The following FKBP6 variants were observed in gnomAD, a reference collection of about 807,000 sequenced individuals.
FKBP6 encodes the protein inactive peptidyl-prolyl cis-trans isomerase FKBP6.
FKBP6 carries 29 observed loss-of-function variants against 41.7 expected under a neutral mutation model. The observed-to-expected ratio is 0.70, with a 90% CI of 0.52 to 0.95. The LOEUF is 0.95. FKBP6 is among the 40% of genes least tolerant of loss of function. The pLI is 0.00. For synonymous variants in FKBP6, 130 were observed against 165.1 expected, an observed-to-expected ratio of 0.79 and a Z score of 1.63; for missense variants, 338 against 408.7, an observed-to-expected ratio of 0.83 and a Z score of 1.49.
chr7:73,334,544 G>A (rs1804945927), intron 5 of FKBP6, among the ~76,000 whole-genome samples: 1 of 152,080 alleles, frequency 6.6e-6, no homozygotes, highest in South Asian at 2.1e-4. Flanking sequence ...AGCACTTCAG[G>A]AGTCCAAGGT....
At position 73,355,680 on chromosome 7, in the gene FKBP6, G is replaced by A. The variant is rs145563736; in HGVS notation, c.*3-2501G>A. Among the ~76,000 whole-genome samples the A allele has an allele frequency of 2.0e-4, 30 of 151,538 alleles. No individual in the cohort carries two copies. The East Asian group carries it at 5.8e-3, about 29-fold the overall frequency. ...AAATGATAACATGATCACTACCCATGTATCATTACCCAGGCTTGACAGTGA... is the reference window on the plus strand; with the variant it reads ...AAATGATAACATGATCACTACCCATATATCATTACCCAGGCTTGACAGTGA... On this transcript the variant is annotated intron_variant, in intron 8 of 8. Transcript: ENST00000252037.
At chr7:73,329,186 A>C (rs1804746236) in intron 2 of FKBP6, among the ~76,000 whole-genome samples, 174 bp from the exon 3 acceptor site, 1 of 152,130 alleles carries the variant, frequency 6.6e-6, no homozygotes, top group Non-Finnish European at 1.5e-5. Context: ...TGAACCTCTG[A>C]GCCAAAGGGC....
chr7:73,348,361 C>G (rs1805394354), intron 8 of FKBP6, among the ~76,000 whole-genome samples: 1 of 152,196 alleles, frequency 6.6e-6, no homozygotes, highest in East Asian at 1.9e-4. Context: ...CCCCGATGTG[C>G]TCAACGTCTG....
At chr7:73,355,651 A>T (rs1403383199) in intron 8 of FKBP6, among the ~76,000 whole-genome samples, 4 of 152,116 alleles carry the variant, frequency 2.6e-5, no homozygotes, top group Non-Finnish European at 5.9e-5. Context: ...AGGTAAAAAA[A>T]AAAAAATGAT....
intron 7 of FKBP6, 75 bp downstream of exon 7, chr7:73,341,457 A>G: frequency 1.1e-6 from 1 of 940,146 alleles, no homozygotes. Context: ...ACCCCCCCCA[A>G]CAAAGGACAG....
chr7:73,331,547 T>C, intron 4 of FKBP6, 110 bp from the exon 5 acceptor site: 1 of 1,018,472 alleles, frequency 9.8e-7, no homozygotes, highest in Non-Finnish European at 1.6e-6. Flanking sequence ...ATGTTCTCAC[T>C]ATGTTGCCCA....
intron 5 of FKBP6, among the ~76,000 whole-genome samples, chr7:73,335,250 C>CT (rs1164102038): frequency 2.0e-5 from 3 of 152,036 alleles, no homozygotes; most frequent in African/African-American, 7.2e-5. Context: ...TCTTTGACCA[C>CT]TAAGATTTAA....
intron 5 of FKBP6, among the ~76,000 whole-genome samples, chr7:73,338,900 G>A (rs1284559178): frequency 6.6e-6 from 1 of 152,196 alleles, no homozygotes; most frequent in East Asian, 1.9e-4. Flanking sequence ...ATGCGCAAAT[G>A]CTCTATGCTG....
At chr7:73,349,119 A>T (rs1583820741) in intron 8 of FKBP6, among the ~76,000 whole-genome samples, 1 of 152,170 alleles carries the variant, frequency 6.6e-6, no homozygotes, top group African/African-American at 2.4e-5. Context: ...AAAAAAATTT[A>T]AAAAGGGTGG....
At chr7:73,341,441 C>A (rs1468098795) in intron 7 of FKBP6, 59 bp downstream of exon 7, 2 of 989,716 alleles carry the variant, frequency 2.0e-6, no homozygotes, top group Non-Finnish European at 3.2e-6. Flanking sequence ...TCTGGTCTGT[C>A]CCCCCACCCC....
chr7:73,357,685 TG>T (rs1392033107), intron 8 of FKBP6, among the ~76,000 whole-genome samples: 1 of 151,810 alleles, frequency 6.6e-6, no homozygotes, highest in African/African-American at 2.4e-5. Flanking sequence ...TTGGTTGTAT[TG>T]GGGTAGGGAG....
chr7:73,331,126 G>T (rs1398976808), intron 4 of FKBP6, among the ~76,000 whole-genome samples: 2 of 152,180 alleles, frequency 1.3e-5, no homozygotes, highest in African/African-American at 4.8e-5. Context: ...AGGATCTGGG[G>T]GGTGGGGCCG....
intron 8 of FKBP6, among the ~76,000 whole-genome samples, chr7:73,346,785 C>T (rs2115933206): frequency 6.6e-6 from 1 of 152,264 alleles, no homozygotes; most frequent in Non-Finnish European, 1.5e-5. Context: ...GGAGGGTATT[C>T]TCTGTGAAGA....
chr7:73,340,959 T>C (rs1179416453), intron 6 of FKBP6, 127 bp downstream of exon 6: 17 of 803,768 alleles, frequency 2.1e-5, no homozygotes, highest in Non-Finnish European at 3.5e-5. Context: ...GTTTTGCTCT[T>C]GTTGCCCAGG....
intron 3 of FKBP6, 49 bp from the exon 4 acceptor site, chr7:73,330,101 A>C (rs1554547364): frequency 7.1e-7 from 1 of 1,399,502 alleles, no homozygotes; most frequent in Admixed American, 1.7e-5. Context: ...GATAGCACTG[A>C]GCAGGATACT....
chr7:73,330,014 A>G, intron 3 of FKBP6, 136 bp from the exon 4 acceptor site: 1 of 725,148 alleles, frequency 1.4e-6, no homozygotes, highest in Non-Finnish European at 2.5e-6. Flanking sequence ...CTCAGGAGGA[A>G]GACATTGCAG....
chr7:73,344,741 C>T (rs1185988612), intron 8 of FKBP6, among the ~76,000 whole-genome samples: 3 of 152,098 alleles, frequency 2.0e-5, no homozygotes, highest in Admixed American at 6.5e-5. Flanking sequence ...TGAGCCACCA[C>T]GCCTGGCTAA....
chr7:73,342,058 G>A (rs1246788278), intron 7 of FKBP6, among the ~76,000 whole-genome samples: 1 of 151,706 alleles, frequency 6.6e-6, no homozygotes, highest in Non-Finnish European at 1.5e-5. Context: ...AAGGCCCCTC[G>A]TAGGTCCTCA....
chr7:73,338,498 A>G (rs1263301356), intron 5 of FKBP6, among the ~76,000 whole-genome samples: 2 of 152,226 alleles, frequency 1.3e-5, no homozygotes, highest in Non-Finnish European at 2.9e-5. Context: ...GTATGTGCCT[A>G]GGAGTGCAAT....
Sources: gnomAD v4.1 joint callset for allele counts (sites outside exome capture counted in the v4.1 genomes callset) on GRCh38, gnomAD v4.1.1 for gene constraint, MANE v1.5 for transcripts, NCBI Gene and HGNC (gene_info 2026-07-23, HGNC 2026-07-21) for gene names.